The following LPCAT1 variants were observed in gnomAD, a reference collection of about 807,000 sequenced individuals.
LPCAT1 encodes the protein 1-acylglycerol-3-phosphate O-acyltransferase.
A neutral mutation model predicts 60.9 loss-of-function variants in LPCAT1; 23 were observed. That is an observed-to-expected ratio of 0.38 (90% CI 0.27 to 0.53). The LOEUF is 0.53. Among genes scored for constraint, LPCAT1 ranks in the 20% least tolerant of loss-of-function variants. LPCAT1 has a pLI of 0.82. For synonymous variants in LPCAT1, 340 were observed against 301.1 expected (o/e 1.13, Z -1.34); for missense variants, 622 against 723.6 (o/e 0.86, Z 1.61).
intron 2 of LPCAT1, among the ~76,000 whole-genome samples, chr5:1,497,504 G>A (rs752647623): frequency 2.6e-5 from 4 of 152,370 alleles, no homozygotes; most frequent in East Asian, 1.9e-4. Flanking sequence ...GTGCCAGGCC[G>A]GTGGGGTAGG....
chr5:1,520,688 A>C (rs1032950423), intron 1 of LPCAT1, among the ~76,000 whole-genome samples: 28 of 151,948 alleles, frequency 1.8e-4, no homozygotes, highest in African/African-American at 6.8e-4. Flanking sequence ...GTGAGACCCC[A>C]TCTCTACTAA....
chr5:1,506,359 G>A (rs13170616), intron 1 of LPCAT1, among the ~76,000 whole-genome samples: 24,364 of 152,214 alleles, frequency 0.16, 2,040 homozygotes, highest in East Asian at 0.24. Flanking sequence ...CCCTCACCAA[G>A]GAGAACAGGA....
intron 2 of LPCAT1, among the ~76,000 whole-genome samples, chr5:1,498,666 CAT>C (rs1481121802): frequency 7.2e-5 from 11 of 152,106 alleles, no homozygotes; most frequent in Non-Finnish European, 5.9e-5. Context: ...ACACAACACT[CAT>C]ACACATGTAC....
At chr5:1,471,299 C>A (rs941800773) in intron 11 of LPCAT1, among the ~76,000 whole-genome samples, 1 of 152,240 alleles carries the variant, frequency 6.6e-6, no homozygotes, top group Non-Finnish European at 1.5e-5. Flanking sequence ...CCCATTCATC[C>A]TGCAGAAAGA....
At chr5:1,488,959 G>C (rs1371229760) in intron 4 of LPCAT1, among the ~76,000 whole-genome samples, 1 of 152,228 alleles carries the variant, frequency 6.6e-6, no homozygotes, top group African/African-American at 2.4e-5. Context: ...CTCCACACCG[G>C]GGTTTCAATT....
At position 1,523,809 on chromosome 5, in the gene LPCAT1, A is replaced by AG; in HGVS notation, c.35dup (p.Ala13CysfsTer229). ...CGTCGCTGGCCCCTGCGCTGGAGGCAGGGGCGGCCCGGGGTCCGCATCCCC... is the reference window on the plus strand; with the variant it reads ...CGTCGCTGGCCCCTGCGCTGGAGGCAGGGGGCGGCCCGGGGTCCGCATCCCC... On this transcript the variant is annotated frameshift_variant, in exon 1 of 14. Transcript: ENST00000283415. LOFTEE classifies it high-confidence loss of function. The surrounding 1 kb of genome is among the most constrained non-coding windows in gnomAD (Gnocchi z 7.1). 1 of 1,095,794 alleles carries AG rather than the reference A, an allele frequency of 9.1e-7. No homozygotes were observed. The highest frequency in any genetic ancestry group is 5.4e-5 in the East Asian group (1 of 18,560). The allele number at this position is 1,095,794 out of a possible 1,614,324, so 67.9% of individuals were successfully genotyped here.
At position 1,470,129 on chromosome 5, in the gene LPCAT1, G is replaced by T. The variant is rs1022492788; in HGVS notation, c.1278+697C>A. On this transcript the variant is annotated intron_variant, in intron 12 of 13. Transcript: ENST00000283415. ...TCAGGCCCTTGAGAGTCTGGCTAAT[G>T]TGAGTCACACCCTGTGAGAAGCCTT... Among the ~76,000 whole-genome samples, 3 of 152,364 alleles carry T rather than the reference G, an allele frequency of 2.0e-5. No individual in the cohort carries two copies. In the East Asian group the frequency reaches 5.8e-4, roughly 29 times the overall value.
At chr5:1,468,365 C>T (rs1220410911) in intron 12 of LPCAT1, among the ~76,000 whole-genome samples, 3 of 152,226 alleles carry the variant, frequency 2.0e-5, no homozygotes, top group African/African-American at 4.8e-5. Context: ...CAGAACGGGC[C>T]GGGTCAAAGC....
At chr5:1,515,178 G>GGCCCAAACCCTCAAAAGCTGCAGGAGCC in intron 1 of LPCAT1, among the ~76,000 whole-genome samples, 1 of 151,026 alleles carries the variant, frequency 6.6e-6, no homozygotes, top group Non-Finnish European at 1.5e-5. Flanking sequence ...AGCACATCCT[G>GGCCCAAACCCTCAAAAGCTGCAGGAGCC]CATCAGGGGA....
chr5:1,501,313 A>AG (rs1462348192), intron 2 of LPCAT1, 148 bp downstream of exon 2: 1 of 1,105,052 alleles, frequency 9.0e-7, no homozygotes. Context: ...CCCCACTGGC[A>AG]GGGGGCAGCC....
chr5:1,464,743 C>A (rs1734264514), intron 13 of LPCAT1, among the ~76,000 whole-genome samples: 1 of 143,052 alleles, frequency 7.0e-6, no homozygotes, highest in South Asian at 2.2e-4. Flanking sequence ...CACGCAGACA[C>A]ACACACACAA....
chr5:1,467,248 G>C (rs1318643110), intron 12 of LPCAT1: 3 of 250,870 alleles, frequency 1.2e-5, no homozygotes, highest in Non-Finnish European at 2.3e-5. Context: ...GCGCAAGCTT[G>C]GGCTGCAGAG....
At chr5:1,508,806 G>A (rs1054281940) in intron 1 of LPCAT1, among the ~76,000 whole-genome samples, 7 of 152,224 alleles carry the variant, frequency 4.6e-5, no homozygotes, top group African/African-American at 1.7e-4. Context: ...TGGTCACAAT[G>A]CCCAGGCCCA....
At position 1,463,279 on chromosome 5, in the gene LPCAT1, T is replaced by A. The variant is rs1734179636; in HGVS notation, c.*372A>T. 1 of 215,354 alleles carries A rather than the reference T, an allele frequency of 4.6e-6. No individual in the cohort carries two copies. Among genetic ancestry groups the A allele is most frequent in the African/African-American group, 2.3e-5 (1 of 43,306 alleles). 13.3% of individuals were successfully genotyped at this position (215,354 alleles called of 1,614,324 possible). ...CGCTGTGTGGCAGGCGTGTGCTGAGTGTGCACGGAGGCCCGCCCGGTGCAC... is the reference window on the plus strand; with the variant it reads ...CGCTGTGTGGCAGGCGTGTGCTGAGAGTGCACGGAGGCCCGCCCGGTGCAC... On this transcript the variant is annotated 3_prime_UTR_variant, in exon 14 of 14. Coordinates refer to ENST00000283415, the MANE Select transcript of LPCAT1 (RefSeq NM_024830.5).
chr5:1,465,907 GCA>G (rs1177836884), intron 13 of LPCAT1, among the ~76,000 whole-genome samples: 2 of 152,362 alleles, frequency 1.3e-5, no homozygotes, highest in African/African-American at 4.8e-5. Context: ...ACACACGTGT[GCA>G]CACACACGGT....
At chr5:1,494,413 G>T (rs568767895) in intron 3 of LPCAT1, among the ~76,000 whole-genome samples, 1 of 151,058 alleles carries the variant, frequency 6.6e-6, no homozygotes, top group Admixed American at 6.6e-5. Flanking sequence ...CAGCAGCGTG[G>T]TGGGGGGGGG....
chr5:1,479,459 G>C, intron 8 of LPCAT1, 162 bp downstream of exon 8: 1 of 630,336 alleles, frequency 1.6e-6, no homozygotes, highest in South Asian at 1.8e-5. Context: ...TTGAGGTAAA[G>C]CAACCAGAGG....
chr5:1,466,599 CAG>C (rs2126472183), intron 13 of LPCAT1, 148 bp downstream of exon 13: 6 of 796,950 alleles, frequency 7.5e-6, no homozygotes, highest in Non-Finnish European at 1.1e-5. Context: ...CCTTCCTTCT[CAG>C]GGGTTTCTTT....
chr5:1,498,598 A>G (rs919232792), intron 2 of LPCAT1, among the ~76,000 whole-genome samples: 1 of 152,152 alleles, frequency 6.6e-6, no homozygotes, highest in African/African-American at 2.4e-5. Context: ...CATCATACAT[A>G]TGTGGACACC....
Sources: allele counts gnomAD v4.1 joint callset (sites outside exome capture counted in the v4.1 genomes callset), GRCh38; gene constraint gnomAD v4.1.1; non-coding constraint Gnocchi (gnomAD v3.1); transcripts MANE v1.5; gene names NCBI Gene and HGNC (gene_info 2026-07-23, HGNC 2026-07-21).